The following KATNBL1 variants were observed in gnomAD, a reference collection of about 807,000 sequenced individuals.
The protein encoded by KATNBL1 is KATNB1-like protein 1.
KATNBL1 carries 28 observed loss-of-function variants against 44.7 expected under a neutral mutation model. The ratio of observed to expected loss-of-function variants is 0.63; its 90% CI spans 0.46 to 0.86. KATNBL1 has a LOEUF of 0.86. Ranked by LOEUF, KATNBL1 falls within the 40% of genes least tolerant of loss-of-function variation. The probability of loss-of-function intolerance (pLI) is 0.00; values close to 1 mark genes in which losing one functional copy is unlikely to be tolerated. For synonymous variants in KATNBL1, 78 were observed against 114.9 expected (o/e 0.68, Z 2.06); for missense variants, 272 against 350.7 (o/e 0.78, Z 1.79).
At chr15:34,153,162 A>G in intron 3 of KATNBL1, 93 bp from the exon 4 acceptor site, 1 of 739,660 alleles carries the variant, frequency 1.4e-6, no homozygotes, top group Non-Finnish European at 2.1e-6. Context: ...ATATTTGGTG[A>G]TTGTAATCCA....
intron 1 of KATNBL1, among the ~76,000 whole-genome samples, chr15:34,193,216 C>CAAAA (rs34216208): frequency 0.015 from 985 of 66,240 alleles, 62 homozygotes; most frequent in East Asian, 0.031. Flanking sequence ...GACTCCGTCT[C>CAAAA]AAAAAAAAAA....
At chr15:34,206,425 G>A (rs185261659) in intron 1 of KATNBL1, among the ~76,000 whole-genome samples, 1 of 152,184 alleles carries the variant, frequency 6.6e-6, no homozygotes, top group African/African-American at 2.4e-5. Flanking sequence ...AAGTTAAGGG[G>A]TATTAAGCTG....
chr15:34,199,351 C>T (rs1413247893), intron 1 of KATNBL1, among the ~76,000 whole-genome samples: 3 of 152,180 alleles, frequency 2.0e-5, no homozygotes, highest in African/African-American at 7.2e-5. Flanking sequence ...GCAGGAGAAT[C>T]TCTTGAACCC....
At position 34,147,209 on chromosome 15, in the gene KATNBL1, T is replaced by A. The variant is rs139830158; in HGVS notation, c.689A>T (p.Lys230Ile). 5.6e-6 allele frequency: 9 copies of A among 1,593,338 alleles called. No individual in the cohort carries two copies. Among genetic ancestry groups the A allele is most frequent in the Non-Finnish European group, 7.7e-6 (9 of 1,162,890 alleles). ...LPLVKSLLKS[K>I]FEEYVIVGLN... ...TCAGATTAGCACTTACTCTTCAAAT[T>A]TGCTTTTAAGTAGTGACTTTACTAG... is the stretch of plus-strand genomic sequence containing the variant. Residue 230 changes from lysine (K) to isoleucine (I), a missense_variant, in exon 7 of 10, where the codon AAA becomes ATA. This residue lies in a region of KATNBL1 where 111 missense variants were observed against 149.3 expected (regional missense o/e 0.74). Transcript: ENST00000256544.
At chr15:34,203,868 C>T (rs369213023) in intron 1 of KATNBL1, among the ~76,000 whole-genome samples, 10 of 148,102 alleles carry the variant, frequency 6.8e-5, no homozygotes, top group Non-Finnish European at 6.0e-5. Flanking sequence ...CATCACACAC[C>T]GGGCCCTGTT....
intron 1 of KATNBL1, among the ~76,000 whole-genome samples, chr15:34,175,821 C>T (rs1450047609): frequency 2.6e-5 from 4 of 151,944 alleles, no homozygotes; most frequent in Admixed American, 6.6e-5. Flanking sequence ...GCCCAGATCA[C>T]GCCATTGCAC....
At chr15:34,181,592 ACACATATATATG>A (rs1206516408) in intron 1 of KATNBL1, among the ~76,000 whole-genome samples, 48 of 49,110 alleles carry the variant, frequency 9.8e-4, no homozygotes, top group South Asian at 2.0e-3. Flanking sequence ...ACATATATAT[ACACATATATATG>A]TCCATATATA....
At chr15:34,193,912 T>G (rs1451497241) in intron 1 of KATNBL1, among the ~76,000 whole-genome samples, 1 of 148,862 alleles carries the variant, frequency 6.7e-6, no homozygotes, top group South Asian at 2.1e-4. Context: ...ATTCAACCAC[T>G]TTTCCTCCCA....
At chr15:34,209,080 GC>G (rs1890365533) in intron 1 of KATNBL1, 1 of 152,084 alleles carries the variant, frequency 6.6e-6, no homozygotes, top group South Asian at 2.1e-4. Flanking sequence ...GATCACACTG[GC>G]TAATATTATT....
chr15:34,173,565 A>G (rs1040018549), intron 1 of KATNBL1, among the ~76,000 whole-genome samples: 3 of 152,154 alleles, frequency 2.0e-5, no homozygotes, highest in African/African-American at 7.2e-5. Flanking sequence ...AAAAAAAGAA[A>G]GATAAGAAAT....
rs1241140180 is a variant in KATNBL1 at position 34,163,563 on chromosome 15, C to T, written c.114G>A (p.Lys38=). 1.3e-6 allele frequency: 2 copies of T among 1,594,488 alleles called. No individual in the cohort carries two copies. The highest frequency in any genetic ancestry group is 1.7e-6 in the Non-Finnish European group (2 of 1,175,138). Residue 38 remains lysine, a synonymous_variant, in exon 2 of 10, where the codon AAG becomes AAA. Transcript: ENST00000256544. ...KISNFTNKNM[K]EVKKSPKQLA... Reference sequence around the variant, plus strand: ...TTTCTAGAAACCATAGACTTACCTCCTTCATGTTCTTATTAGTGAAATTAG... The same window carrying T: ...TTTCTAGAAACCATAGACTTACCTCTTTCATGTTCTTATTAGTGAAATTAG...
chr15:34,167,285 G>A (rs938902792), intron 1 of KATNBL1, among the ~76,000 whole-genome samples: 2 of 152,138 alleles, frequency 1.3e-5, no homozygotes, highest in Non-Finnish European at 2.9e-5. Context: ...CACAGTACGA[G>A]AACTTCATAA....
At chr15:34,161,209 T>A (rs1888793240) in intron 2 of KATNBL1, among the ~76,000 whole-genome samples, 1 of 152,240 alleles carries the variant, frequency 6.6e-6, no homozygotes, top group Non-Finnish European at 1.5e-5. Context: ...TTGTGACGTT[T>A]CTTACCTTGG....
At chr15:34,191,188 T>TATATATATA (rs1331589830) in intron 1 of KATNBL1, among the ~76,000 whole-genome samples, 21 of 137,846 alleles carry the variant, frequency 1.5e-4, no homozygotes, top group South Asian at 4.6e-4. Flanking sequence ...TATATATATA[T>TATATATATA]TTGGTAGGGC....
intron 1 of KATNBL1, among the ~76,000 whole-genome samples, chr15:34,188,830 A>C (rs1567534932): frequency 6.6e-6 from 1 of 152,220 alleles, no homozygotes; most frequent in Admixed American, 6.5e-5. Flanking sequence ...TCCCCAAAGA[A>C]GTAAGCCCAG....
intron 1 of KATNBL1, among the ~76,000 whole-genome samples, chr15:34,203,723 C>G (rs1370044710): frequency 6.6e-6 from 1 of 152,154 alleles, no homozygotes; most frequent in South Asian, 2.1e-4. Context: ...GAGTCTTGCT[C>G]TGTCTCCAGG....
chr15:34,160,578 A>AAT (rs1888768822), intron 2 of KATNBL1, among the ~76,000 whole-genome samples: 1 of 151,934 alleles, frequency 6.6e-6, no homozygotes, highest in African/African-American at 2.4e-5. Context: ...AAGCTTTTGT[A>AAT]ATGTTTTGGA....
chr15:34,204,582 A>G (rs924342365), intron 1 of KATNBL1, among the ~76,000 whole-genome samples: 7 of 152,214 alleles, frequency 4.6e-5, no homozygotes, highest in Admixed American at 3.3e-4. Flanking sequence ...AACTGTTTAC[A>G]TGGAGTTTTA....
At chr15:34,180,947 T>G (rs1889499622) in intron 1 of KATNBL1, among the ~76,000 whole-genome samples, 1 of 152,090 alleles carries the variant, frequency 6.6e-6, no homozygotes, top group African/African-American at 2.4e-5. Context: ...CTTCAAAATA[T>G]TTCACAGATC....
Sources: allele counts gnomAD v4.1 joint callset (sites outside exome capture counted in the v4.1 genomes callset), GRCh38; gene constraint gnomAD v4.1.1; regional missense constraint gnomAD v4.1.1; transcripts MANE v1.5; gene names NCBI Gene and HGNC (gene_info 2026-07-23, HGNC 2026-07-21).